The following NDFIP2 variants were observed in gnomAD, a reference collection of about 807,000 sequenced individuals.
NDFIP2 encodes Nedd4 family interacting protein 2.
NDFIP2 carries 19 observed loss-of-function variants against 36.0 expected under a neutral mutation model. The observed-to-expected ratio is 0.53, with a 90% CI of 0.37 to 0.77. NDFIP2 has a LOEUF of 0.77. Ranked by LOEUF, NDFIP2 falls within the 30% of genes least tolerant of loss-of-function variation. The pLI is 0.00. For synonymous variants in NDFIP2, 181 were observed against 167.7 expected, an observed-to-expected ratio of 1.08 and a Z score of -0.61; for missense variants, 446 against 435.8, an observed-to-expected ratio of 1.02 and a Z score of -0.21.
At chr13:79,536,158 T>C (rs7327148) in intron 3 of NDFIP2, among the ~76,000 whole-genome samples, 10,172 of 152,294 alleles carry the variant, frequency 0.067, 717 homozygotes, top group African/African-American at 0.17. Flanking sequence ...AATATTTCTA[T>C]GAAAAATGCT....
chr13:79,490,472 T>C (rs528699109), intron 1 of NDFIP2, among the ~76,000 whole-genome samples: 2 of 152,112 alleles, frequency 1.3e-5, no homozygotes, highest in South Asian at 2.1e-4. Flanking sequence ...CAGGGGTTAG[T>C]AGATTAGTAA....
At chr13:79,538,660 G>A (rs1279100958) in intron 3 of NDFIP2, among the ~76,000 whole-genome samples, 2 of 151,998 alleles carry the variant, frequency 1.3e-5, no homozygotes, top group African/African-American at 4.8e-5. Flanking sequence ...TCGGCTCACT[G>A]CAGCTGCTAC....
Position 79,553,807 on chromosome 13 carries a change from C to T in NDFIP2, c.*1294C>T, listed in dbSNP as rs1335211867. The T allele has an allele frequency of 1.3e-5, 2 of 152,046 alleles. No individual in the cohort carries two copies. The highest frequency in any genetic ancestry group is 3.9e-4 in the East Asian group (2 of 5,180). The allele number at this position is 152,046 out of a possible 1,614,324, so 9.4% of individuals were successfully genotyped here. On this transcript the variant is annotated 3_prime_UTR_variant, in exon 8 of 8. Coordinates refer to ENST00000218652, the MANE Select transcript of NDFIP2 (RefSeq NM_019080.3). ...TCCCATCTTGCAAATCATTTTATGT[C>T]TCATCTGTTTTTCCTTTCGGTTATA...
At position 79,520,905 on chromosome 13, in the gene NDFIP2, A is replaced by G; in HGVS notation, c.417A>G (p.Ala139=). ...AGATTGTGCAGGCTGCGTCTTCAGCACCAGCACTTGAAACTGACTCTTCCC... is the reference window on the plus strand; with the variant it reads ...AGATTGTGCAGGCTGCGTCTTCAGCGCCAGCACTTGAAACTGACTCTTCCC... ...APQIVQAASS[A]PALETDSSPP... is the part of the protein sequence containing the mutation. The change falls in exon 2 of 8, where the codon GCA becomes GCG. Residue 139 remains alanine, a synonymous_variant. Coordinates refer to ENST00000218652, the MANE Select transcript of NDFIP2 (RefSeq NM_019080.3). 6.2e-7 allele frequency: 1 copy of G among 1,613,828 alleles called. No individual in the cohort carries two copies. Among genetic ancestry groups the G allele is most frequent in the Non-Finnish European group, 8.5e-7 (1 of 1,179,800 alleles).
rs1022247215 is a variant in NDFIP2 at position 79,520,472 on chromosome 13, C to T, written c.322-338C>T. On this transcript the variant is annotated intron_variant, in intron 1 of 7. Transcript: ENST00000218652. ...CTGATTTTAAAATTACAGTAGGCCC[C>T]CTTATCCAAGGGATGTGGTAGACCT... Among the ~76,000 whole-genome samples the T allele has an allele frequency of 2.0e-5, 3 of 152,100 alleles. No homozygotes were observed. The East Asian group carries it at 5.8e-4, about 29-fold the overall frequency.
chr13:79,495,098 A>G (rs1007643501), intron 1 of NDFIP2, among the ~76,000 whole-genome samples: 6 of 152,052 alleles, frequency 3.9e-5, no homozygotes, highest in Middle Eastern at 3.4e-3. Flanking sequence ...CTTATTTTCT[A>G]ATTTGATTTT....
chr13:79,549,195 G>A (rs1360925668), intron 6 of NDFIP2, among the ~76,000 whole-genome samples: 1 of 151,804 alleles, frequency 6.6e-6, no homozygotes, highest in African/African-American at 2.4e-5. Flanking sequence ...ACAAATTATT[G>A]TTAGTCAGAT....
In NDFIP2 at chr13:79,486,284, A is replaced by T. The variant is rs1015538045; in HGVS notation, c.321+4760A>T. On this transcript the variant is annotated intron_variant, in intron 1 of 7. Coordinates refer to ENST00000218652, the MANE Select transcript of NDFIP2 (RefSeq NM_019080.3). Reference sequence around the variant, plus strand: ...GCCCCTTACTGAATCTGCCCCCAACATTTAATAACATTTAATATTAAAACT... The same window carrying T: ...GCCCCTTACTGAATCTGCCCCCAACTTTTAATAACATTTAATATTAAAACT... 8.5e-5 allele frequency among the ~76,000 whole-genome samples: 13 copies of T among 152,316 alleles called. No individual in the cohort carries two copies. In the Middle Eastern group the frequency reaches 0.01, roughly 120 times the overall value.
At chr13:79,517,666 G>A (rs768857908) in intron 1 of NDFIP2, among the ~76,000 whole-genome samples, 4 of 152,174 alleles carry the variant, frequency 2.6e-5, no homozygotes, top group Admixed American at 6.5e-5. Flanking sequence ...TGTCAAAACC[G>A]TAGGTGTTAG....
intron 3 of NDFIP2, among the ~76,000 whole-genome samples, chr13:79,538,904 C>G (rs1332247246): frequency 3.9e-5 from 6 of 152,180 alleles, no homozygotes; most frequent in African/African-American, 1.4e-4. Flanking sequence ...GACTCCACGT[C>G]TCACATCCAG....
intron 2 of NDFIP2, among the ~76,000 whole-genome samples, chr13:79,522,675 A>G (rs1874632174): frequency 6.6e-6 from 1 of 152,156 alleles, no homozygotes; most frequent in Non-Finnish European, 1.5e-5. Flanking sequence ...GGCTTCAGCT[A>G]GGACCACAGC....
chr13:79,519,768 AT>A (rs1874493610), intron 1 of NDFIP2, among the ~76,000 whole-genome samples: 1 of 152,062 alleles, frequency 6.6e-6, no homozygotes, highest in Admixed American at 6.6e-5. Flanking sequence ...ACATCAACTT[AT>A]TTTGCTTTAG....
chr13:79,498,806 T>G (rs1873547518), intron 1 of NDFIP2, among the ~76,000 whole-genome samples: 1 of 151,636 alleles, frequency 6.6e-6, no homozygotes, highest in African/African-American at 2.4e-5. Context: ...ATCACGGGAG[T>G]TTTGGAGGAC....
At chr13:79,515,498 A>G (rs1268460661) in intron 1 of NDFIP2, among the ~76,000 whole-genome samples, 1 of 152,210 alleles carries the variant, frequency 6.6e-6, no homozygotes, top group East Asian at 1.9e-4. Context: ...TTGCTTTGTC[A>G]TATGCTAGCT....
chr13:79,495,939 G>A (rs1873418593), intron 1 of NDFIP2, among the ~76,000 whole-genome samples: 1 of 151,796 alleles, frequency 6.6e-6, no homozygotes, highest in Admixed American at 6.6e-5. Context: ...CATAAAAAAT[G>A]TAGAACTTCC....
intron 7 of NDFIP2, among the ~76,000 whole-genome samples, chr13:79,551,711 A>G (rs1306443588): frequency 1.3e-5 from 2 of 151,508 alleles, no homozygotes; most frequent in Non-Finnish European, 3.0e-5. Flanking sequence ...TGAAGAAATG[A>G]GTAGAAGTTG....
chr13:79,551,758 G>T (rs1437513160), intron 7 of NDFIP2, among the ~76,000 whole-genome samples: 1 of 151,294 alleles, frequency 6.6e-6, no homozygotes, highest in African/African-American at 2.4e-5. Flanking sequence ...GGAGGTCGTG[G>T]GTATAGTAAT....
Position 79,481,532 on chromosome 13 carries a change from C to G in NDFIP2, c.321+8C>G, listed in dbSNP as rs540049530. 4 of 1,545,004 alleles carry G rather than the reference C, an allele frequency of 2.6e-6. No individual in the cohort carries two copies. The East Asian group carries it at 9.9e-5, about 38-fold the overall frequency. ...ACTGGGCGCTACCAGGTGGTGAGTT[C>G]CCGGCCTCCTGTGCCTCCCGGGACT... On this transcript the variant is annotated splice_region_variant and intron_variant, in intron 1 of 7. Transcript: ENST00000218652.
At chr13:79,516,981 A>G (rs1206662999) in intron 1 of NDFIP2, among the ~76,000 whole-genome samples, 2 of 152,208 alleles carry the variant, frequency 1.3e-5, no homozygotes, top group African/African-American at 2.4e-5. Flanking sequence ...ATGCACTGGA[A>G]GGCTGTACTT....
Sources: allele counts gnomAD v4.1 joint callset (sites outside exome capture counted in the v4.1 genomes callset), GRCh38; gene constraint gnomAD v4.1.1; transcripts MANE v1.5; gene names NCBI Gene and HGNC (gene_info 2026-07-23, HGNC 2026-07-21).